The following AMPH variants were observed in gnomAD, a reference collection of about 807,000 sequenced individuals.
AMPH encodes amphiphysin (Stiff-Mann syndrome with breast cancer 128kD autoantigen).
A neutral mutation model predicts 99.1 loss-of-function variants in AMPH; 49 were observed. The ratio of observed to expected loss-of-function variants is 0.49; its 90% CI spans 0.39 to 0.63. The LOEUF (loss-of-function observed/expected upper bound fraction) is 0.63. AMPH is among the 20% of genes least tolerant of loss of function. AMPH has a pLI of 0.00. For synonymous variants in AMPH, 314 were observed against 317.3 expected (o/e 0.99, Z 0.11); for missense variants, 759 against 863.4 (o/e 0.88, Z 1.52).
At chr7:38,430,168 A>C (rs564894044) in intron 13 of AMPH, 2 of 355,540 alleles carry the variant, frequency 5.6e-6, no homozygotes, top group South Asian at 1.0e-4. Flanking sequence ...TAAGTTTCAA[A>C]CACATAAGCA....
Position 38,465,403 on chromosome 7 carries a change from T to C in AMPH, c.749+64A>G, listed in dbSNP as rs1011535869. ...GGATAAATAAAATAGTACAGGCTGGTCCACAGATTGAAGAAATTTTAGCAA... is the reference window on the plus strand; with the variant it reads ...GGATAAATAAAATAGTACAGGCTGGCCCACAGATTGAAGAAATTTTAGCAA... On this transcript the variant is annotated intron_variant, in intron 9 of 20. Coordinates refer to ENST00000356264, the MANE Select transcript of AMPH (RefSeq NM_001635.4). 3 of 1,399,132 alleles carry C rather than the reference T, an allele frequency of 2.1e-6. No individual in the cohort carries two copies. In the Admixed American group the frequency reaches 6.0e-5, roughly 28 times the overall value. The allele number at this position is 1,399,132 out of a possible 1,614,324, so 86.7% of individuals were successfully genotyped here.
chr7:38,624,465 G>T (rs1177213990), intron 1 of AMPH, among the ~76,000 whole-genome samples: 1 of 151,680 alleles, frequency 6.6e-6, no homozygotes, highest in Non-Finnish European at 1.5e-5. Flanking sequence ...CACAATCGCG[G>T]CTCACTGCAT....
At chr7:38,617,558 G>A (rs1322585780) in intron 1 of AMPH, among the ~76,000 whole-genome samples, 1 of 152,186 alleles carries the variant, frequency 6.6e-6, no homozygotes. Flanking sequence ...GAGTCTTCAA[G>A]GGCAAGGACC....
rs1348608549 is a variant in AMPH at position 38,574,472 on chromosome 7, T to C, written c.70-39461A>G. ...TTTCAGCCAAACTATTGCTCCCTCA[T>C]TAGGATTTCCTCTAATTACAAGATT... On this transcript the variant is annotated intron_variant, in intron 1 of 20. Transcript: ENST00000356264. 2.0e-5 allele frequency among the ~76,000 whole-genome samples: 3 copies of C among 152,180 alleles called. No individual in the cohort carries two copies. The East Asian group carries it at 5.8e-4, about 29-fold the overall frequency.
At chr7:38,456,365 A>G (rs1050110767) in intron 11 of AMPH, among the ~76,000 whole-genome samples, 17 of 152,078 alleles carry the variant, frequency 1.1e-4, no homozygotes, top group Admixed American at 2.6e-4. Flanking sequence ...AAACCACCCT[A>G]CCCAGCATGT....
chr7:38,432,152 C>G, intron 13 of AMPH, 37 bp downstream of exon 13: 4 of 1,583,368 alleles, frequency 2.5e-6, no homozygotes, highest in Non-Finnish European at 3.5e-6. Context: ...TTCTGGGGAT[C>G]AAGATACATG....
intron 11 of AMPH, among the ~76,000 whole-genome samples, chr7:38,451,553 AAGCATATTT>A (rs1252315867): frequency 1.3e-5 from 2 of 152,090 alleles, no homozygotes; most frequent in African/African-American, 4.8e-5. Context: ...TTTCCTAGGA[AAGCATATTT>A]TGGGGGTGAA....
At position 38,392,119 on chromosome 7, in the gene AMPH, C is replaced by T. The variant is rs1030425857; in HGVS notation, c.1609-102G>A. The T allele has an allele frequency of 4.7e-5, 57 of 1,216,988 alleles. No homozygotes were observed. The East Asian group carries it at 1.2e-3, about 27-fold the overall frequency. 75.4% of individuals were successfully genotyped at this position (1,216,988 alleles called of 1,614,324 possible). On this transcript the variant is annotated intron_variant, in intron 18 of 20. Coordinates refer to ENST00000356264, the MANE Select transcript of AMPH (RefSeq NM_001635.4). ...AGCCCCCAGCCCAAAGCTGGGGCTG[C>T]CACTTCCATACTTCCCCACTAGCCA...
intron 11 of AMPH, among the ~76,000 whole-genome samples, chr7:38,438,237 T>G (rs1562755205): frequency 6.6e-6 from 1 of 152,244 alleles, no homozygotes; most frequent in Non-Finnish European, 1.5e-5. Flanking sequence ...CTTTATTGCC[T>G]TTAAAGCATT....
intron 15 of AMPH, among the ~76,000 whole-genome samples, chr7:38,423,187 A>G (rs1785654336): frequency 6.6e-6 from 1 of 152,216 alleles, no homozygotes; most frequent in Non-Finnish European, 1.5e-5. Context: ...ATCTCACTAT[A>G]TTACTTAAGT....
intron 16 of AMPH, 67 bp from the exon 17 acceptor site, chr7:38,418,017 T>G (rs1356520869): frequency 6.6e-7 from 1 of 1,508,334 alleles, no homozygotes; most frequent in Non-Finnish European, 8.9e-7. Context: ...CATTACAGAA[T>G]ACTGGACAAT....
At chr7:38,447,648 T>C (rs1427366511) in intron 11 of AMPH, among the ~76,000 whole-genome samples, 1 of 151,958 alleles carries the variant, frequency 6.6e-6, no homozygotes, top group Non-Finnish European at 1.5e-5. Context: ...CTTTAGAATT[T>C]GAATAAAATG....
At chr7:38,498,310 C>T (rs948955014) in intron 3 of AMPH, among the ~76,000 whole-genome samples, 6 of 152,088 alleles carry the variant, frequency 3.9e-5, no homozygotes, top group African/African-American at 1.4e-4. Flanking sequence ...CCACATAACA[C>T]GATTTAGCAA....
chr7:38,601,458 C>A (rs1246881460), intron 1 of AMPH, among the ~76,000 whole-genome samples: 3 of 152,130 alleles, frequency 2.0e-5, no homozygotes, highest in Non-Finnish European at 4.4e-5. Flanking sequence ...TGTGAAGGGG[C>A]CTTTAAGCTC....
intron 11 of AMPH, among the ~76,000 whole-genome samples, chr7:38,441,822 A>ATATATCATATATC (rs371603521): frequency 0.19 from 17,526 of 93,606 alleles, 2,587 homozygotes; most frequent in African/African-American, 0.26. Context: ...TATATATCAT[A>ATATATCATATATC]TATCATATAT....
intron 2 of AMPH, among the ~76,000 whole-genome samples, chr7:38,530,355 T>C (rs1790350186): frequency 6.6e-6 from 1 of 152,216 alleles, no homozygotes; most frequent in African/African-American, 2.4e-5. Flanking sequence ...CTCTTCTCTT[T>C]TTGGTTCATA....
At position 38,398,871 on chromosome 7, in the gene AMPH, C is replaced by A. The variant is rs140567250; in HGVS notation, c.1399-4657G>T. ...AAACATAAAATAAAATAATAAAAAACAGGTATTAGCTGCTGTGACACCAAC... is the reference window on the plus strand; with the variant it reads ...AAACATAAAATAAAATAATAAAAAAAAGGTATTAGCTGCTGTGACACCAAC... On this transcript the variant is annotated intron_variant, in intron 17 of 20. Coordinates refer to ENST00000356264, the MANE Select transcript of AMPH (RefSeq NM_001635.4). Among the ~76,000 whole-genome samples the A allele has an allele frequency of 6.8e-3, 1,028 of 152,246 alleles. 14 individuals carry two copies. Among genetic ancestry groups the A allele is most frequent in the African/African-American group, 0.023 (971 of 41,544 alleles).
chr7:38,510,716 G>T (rs1314598627), intron 2 of AMPH, among the ~76,000 whole-genome samples: 1 of 152,142 alleles, frequency 6.6e-6, no homozygotes, highest in African/African-American at 2.4e-5. Flanking sequence ...CCACCAGCTT[G>T]ACCCCTGCTC....
intron 1 of AMPH, among the ~76,000 whole-genome samples, chr7:38,630,660 A>C (rs892836782): frequency 1.1e-4 from 17 of 152,354 alleles, no homozygotes; most frequent in African/African-American, 3.6e-4. Context: ...CAAAATTAAA[A>C]GTGTGTATAT....
Sources: gnomAD v4.1 joint callset for allele counts (sites outside exome capture counted in the v4.1 genomes callset) on GRCh38, gnomAD v4.1.1 for gene constraint, MANE v1.5 for transcripts, NCBI Gene and HGNC (gene_info 2026-07-23, HGNC 2026-07-21) for gene names.